TTN: variants seen among roughly 807,000 people sequenced by gnomAD.
TTN encodes the protein connectin.
A neutral mutation model predicts 3,223.0 loss-of-function variants in TTN; 1,525 were observed. That is an observed-to-expected ratio of 0.47 (90% CI 0.45 to 0.49). TTN has a LOEUF of 0.49. TTN is among the 20% of genes least tolerant of loss of function. The pLI, the probability that TTN is intolerant of heterozygous loss-of-function variation, is 0.00. For synonymous variants in TTN, 14,094 were observed against 15,161.0 expected (o/e 0.93, Z 5.17); for missense variants, 40,786 against 43,424.0 (o/e 0.94, Z 5.40).
At position 178,664,843 on chromosome 2, in the gene TTN, G is replaced by A; in HGVS notation, c.36118+9C>T. 2 of 1,611,374 alleles carry A rather than the reference G, an allele frequency of 1.2e-6. No homozygotes were observed. Among genetic ancestry groups the A allele is most frequent in the Non-Finnish European group, 1.7e-6 (2 of 1,179,382 alleles). On this transcript the variant is annotated intron_variant, in intron 166 of 362. Transcript: ENST00000589042. ...TAGTTCTTGACCCTGAGAGCATGGT[G>A]ACTTGTACCTTTAACTGATGGGGGT...
rs562365217 is a variant in TTN at position 178,724,450 on chromosome 2, C to T, written c.20925G>A (p.Pro6975=). The T allele has an allele frequency of 1.4e-5, 23 of 1,613,348 alleles. No homozygotes were observed. The highest frequency in any genetic ancestry group is 6.7e-5 in the African/African-American group (5 of 75,000). Residue 6975 remains proline, a synonymous_variant, in exon 72 of 363, where the codon CCG becomes CCA. Coordinates refer to ENST00000589042, the MANE Select transcript of TTN (RefSeq NM_001267550.2). The stretch of plus-strand genomic sequence containing the variant: ...CCTTGTACCATTCAACAGAGAGTTC[C>T]GGAGTGCCAGCCACCTTACACTCCA... The part of the protein sequence containing the change: ...CTLECKVAGT[P]ELSVEWYKDG...
Position 178,777,144 on chromosome 2 carries a change from C to T in TTN, c.4814+5G>A, listed in dbSNP as rs1317889882. Reference sequence around the variant, plus strand: ...TGAGCTTAGCTTTATTATTTCCATACTTACCTGATTTTGGGATATTTATGA... The same window carrying T: ...TGAGCTTAGCTTTATTATTTCCATATTTACCTGATTTTGGGATATTTATGA... On this transcript the variant is annotated splice_donor_5th_base_variant and intron_variant, in intron 27 of 362. Transcript: ENST00000589042. The T allele has an allele frequency of 6.2e-7, 1 of 1,614,068 alleles. No individual in the cohort carries two copies. Among genetic ancestry groups the T allele is most frequent in the Non-Finnish European group, 8.5e-7 (1 of 1,179,964 alleles).
chr2:178,708,697 C>T (rs2742335), intron 99 of TTN, among the ~76,000 whole-genome samples: 6,820 of 152,140 alleles, frequency 0.045, 239 homozygotes, highest in East Asian at 0.19. Flanking sequence ...AAACTAAATG[C>T]ATCTAAATTC....
rs761269554 is a variant in TTN at position 178,734,416 on chromosome 2, C to T, written c.15408G>A (p.Ser5136=). Residue 5136 remains serine (S), a synonymous_variant, in exon 52 of 363, where the codon TCG becomes TCA. Coordinates refer to ENST00000589042, the MANE Select transcript of TTN (RefSeq NM_001267550.2). ...ATTCACCAACATCTGCACTATTAAA[C>T]GAAAAGATCTCCAGACACACAAGAG... ...QKSLVCLEIF[S]FNSADVGEYE... The T allele has an allele frequency of 3.7e-5, 60 of 1,613,504 alleles. No homozygotes were observed. Among genetic ancestry groups the T allele is most frequent in the Non-Finnish European group, 2.5e-5 (30 of 1,179,704 alleles).
chr2:178,572,753 A>G lies in TTN; in HGVS notation c.73379T>C (p.Val24460Ala). 4 of 1,613,420 alleles carry G rather than the reference A, an allele frequency of 2.5e-6. No individual in the cohort carries two copies. The highest frequency in any genetic ancestry group is 3.4e-6 in the Non-Finnish European group (4 of 1,179,598). Residue 24460 changes from valine to alanine, a missense_variant, in exon 326 of 363, where the codon GTG (valine) becomes GCG (alanine). Val to Ala is a moderately conservative substitution (Grantham distance 64, BLOSUM62 0). Transcript: ENST00000589042. ...TTCTCCATGGTCCCGGGCCCACTTCACCTCAGGTGCAGGCCTTCCTTTGAT... is the reference window on the plus strand; with the variant it reads ...TTCTCCATGGTCCCGGGCCCACTTCGCCTCAGGTGCAGGCCTTCCTTTGAT... Reference protein sequence around the residue: ...VPIKGRPAPEVKWARDHGESL... With the variant: ...VPIKGRPAPEAKWARDHGESL...
Position 178,634,281 on chromosome 2 carries a change from A to C in TTN, c.42415+85T>G. 1 of 1,529,780 alleles carries C rather than the reference A, an allele frequency of 6.5e-7. No individual in the cohort carries two copies. The highest frequency in any genetic ancestry group is 8.7e-7 in the Non-Finnish European group (1 of 1,147,716). 94.8% of individuals were successfully genotyped at this position (1,529,780 alleles called of 1,614,324 possible). A position where few individuals can be genotyped will look rare whatever the true frequency, so the allele number is the denominator to read the frequency against. On this transcript the variant is annotated intron_variant, in intron 230 of 362. Coordinates refer to ENST00000589042, the MANE Select transcript of TTN (RefSeq NM_001267550.2). This position sits in a 1 kb window ranked among gnomAD's most constrained non-coding sequence, Gnocchi z 4.6. ...AAGTTAATTAGTGATGCATTATCACAGCTTTTAGAACTTGGCGTCCTATCT... is the reference window on the plus strand; with the variant it reads ...AAGTTAATTAGTGATGCATTATCACCGCTTTTAGAACTTGGCGTCCTATCT...
intron 54 of TTN, 44 bp from the exon 55 acceptor site, chr2:178,733,165 T>C: frequency 1.3e-6 from 2 of 1,557,994 alleles, no homozygotes; most frequent in South Asian, 1.2e-5. Flanking sequence ...TATAGAAGAG[T>C]GCTCAGTGAT....
In TTN at chr2:178,701,180, G is replaced by A. The variant is rs1380726826; in HGVS notation, c.30622C>T (p.Pro10208Ser). Reference protein sequence around the residue: ...PEEIPPVVAPPIPLLLPTPEE... With the variant: ...PEEIPPVVAPSIPLLLPTPEE... Reference sequence around the variant, plus strand: ...GGTGTTGGTAGCAAAAGGGGGATAGGAGGAGCAACCACAGGAGGGATTTCT... The same window carrying A: ...GGTGTTGGTAGCAAAAGGGGGATAGAAGGAGCAACCACAGGAGGGATTTCT... The change falls in exon 111 of 363, where the codon CCT becomes TCT. Residue 10208 changes from proline to serine, a missense_variant. Coordinates refer to ENST00000589042, the MANE Select transcript of TTN (RefSeq NM_001267550.2). 1.2e-6 allele frequency: 2 copies of A among 1,613,480 alleles called. No individual in the cohort carries two copies. The highest frequency in any genetic ancestry group is 1.7e-5 in the Admixed American group (1 of 59,974).
chr2:178,652,629 A>G (rs1159706153), intron 201 of TTN, 24 bp downstream of exon 201: 11 of 1,612,862 alleles, frequency 6.8e-6, no homozygotes, highest in African/African-American at 2.7e-5. Context: ...AGATCTTCTG[A>G]CGCTTAAACT....
At chr2:178,650,110 G>A in intron 210 of TTN, 54 bp downstream of exon 210, 2 of 1,480,688 alleles carry the variant, frequency 1.4e-6, no homozygotes, top group Non-Finnish European at 1.8e-6. Flanking sequence ...AAGATATATA[G>A]ACATGAAAAA....
chr2:178,572,590 A>C lies in TTN; in HGVS notation c.73542T>G (p.Val24514=), dbSNP rs2154170229. ...GGGGGCCTGGTGTATCGAGAACTCT[A>C]ACATTGACAAATGCAGACTTGCTGC... ...SSGSKSAFVN[V]RVLDTPGPPQ... The change falls in exon 326 of 363, where the codon GTT becomes GTG. Residue 24514 remains valine (V), a synonymous_variant. Coordinates refer to ENST00000589042, the MANE Select transcript of TTN (RefSeq NM_001267550.2). 2.5e-6 allele frequency: 4 copies of C among 1,613,446 alleles called. No homozygotes were observed. Among genetic ancestry groups the C allele is most frequent in the Non-Finnish European group, 3.4e-6 (4 of 1,179,596 alleles).
At chr2:178,619,272 A>G in intron 250 of TTN, 2 of 381,284 alleles carry the variant, frequency 5.2e-6, no homozygotes, top group Non-Finnish European at 9.4e-6. Context: ...CTGGGTCAGG[A>G]TGAGAACATA....
At chr2:178,803,901 A>C (rs1425669424) in intron 2 of TTN, among the ~76,000 whole-genome samples, 1 of 152,218 alleles carries the variant, frequency 6.6e-6, no homozygotes, top group Non-Finnish European at 1.5e-5. Context: ...AAAAGAGATG[A>C]ACTTCCTTTC....
At chr2:178,743,419 T>C (rs1447523615) in intron 47 of TTN, among the ~76,000 whole-genome samples, 1 of 151,938 alleles carries the variant, frequency 6.6e-6, no homozygotes, top group African/African-American at 2.4e-5. Context: ...TCTATGACAA[T>C]TAAAGTAAGC....
In TTN at chr2:178,560,431, CAT is replaced by C; in HGVS notation, c.85699_85700del (p.Met28567AspfsTer10). On this transcript the variant is annotated frameshift_variant, in exon 326 of 363. Coordinates refer to ENST00000589042, the MANE Select transcript of TTN (RefSeq NM_001267550.2). LOFTEE classifies it high-confidence loss of function. ...TCTCGGGTCTTGACCAGCAAAGTGTCATAGATTCTTTGGTCACAGAAGTAATT... is the reference window on the plus strand; with the variant it reads ...TCTCGGGTCTTGACCAGCAAAGTGTCAGATTCTTTGGTCACAGAAGTAATT... The part of the protein sequence containing the change: ...LEITSVTKES[M>X]TLCWSRPESD... 1 of 1,613,588 alleles carries C rather than the reference CAT, an allele frequency of 6.2e-7. No individual in the cohort carries two copies. Among genetic ancestry groups the C allele is most frequent in the Non-Finnish European group, 8.5e-7 (1 of 1,179,758 alleles).
At chr2:178,600,639 A>C (rs1315495787) in intron 288 of TTN, 8 of 596,204 alleles carry the variant, frequency 1.3e-5, no homozygotes, top group Non-Finnish European at 2.4e-5. Flanking sequence ...TACAGACATC[A>C]TCTCCTTTGA....
At chr2:178,627,542 G>A (rs1384842124) in intron 240 of TTN, among the ~76,000 whole-genome samples, 1 of 151,866 alleles carries the variant, frequency 6.6e-6, no homozygotes, top group Non-Finnish European at 1.5e-5. Flanking sequence ...AAAAGGCTAA[G>A]GTATTTCGGG....
chr2:178,547,635 C>T lies in TTN; in HGVS notation c.93991G>A (p.Gly31331Arg), dbSNP rs377660595. 9.4e-5 allele frequency: 152 copies of T among 1,613,886 alleles called. No homozygotes were observed. In the South Asian group the frequency reaches 1.1e-3, roughly 12 times the overall value. The stretch of plus-strand genomic sequence containing the variant: ...GTGCCTCCTCCATCTTTAGGTTCTC[C>T]CCATGACAGGACACACGATTCAGCT... ...VSAESCVLSW[G>R]EPKDGGGTEI... is the part of the protein sequence containing the mutation. The change falls in exon 339 of 363, where the codon GGA becomes AGA. Residue 31331 changes from glycine (G) to arginine (R), a missense_variant. Physicochemically the swap from Gly to Arg is moderately radical, Grantham distance 125 (BLOSUM62 -2). Transcript: ENST00000589042.
In TTN at chr2:178,575,096, C is replaced by T. The variant is rs200144345; in HGVS notation, c.71036G>A (p.Arg23679Lys). The T allele has an allele frequency of 5.9e-4, 956 of 1,613,266 alleles. 1 individual carries two copies. Among genetic ancestry groups the T allele is most frequent in the Middle Eastern group, 1.3e-3 (8 of 6,054 alleles). Residue 23679 changes from arginine (R) to lysine (K), a missense_variant, in exon 326 of 363, where the codon AGA (arginine) becomes AAA (lysine). By Grantham distance (26) the Arg-to-Lys change is conservative (BLOSUM62 2). Transcript: ENST00000589042. This position sits in a 1 kb window ranked among gnomAD's most constrained non-coding sequence, Gnocchi z 4.0. ...KGDQILKQTQ[R>K]VNFETTATST... ...AGTCGCTGTGGTTTCAAAATTAACT[C>T]TCTGTGTCTGTTTAAGAATTTGGTC...
Sources: allele counts gnomAD v4.1 joint callset (sites outside exome capture counted in the v4.1 genomes callset), GRCh38; gene constraint gnomAD v4.1.1; non-coding constraint Gnocchi (gnomAD v3.1); transcripts MANE v1.5; gene names NCBI Gene and HGNC (gene_info 2026-07-23, HGNC 2026-07-21).